Variants in IP6K1 observed in about 807,000 individuals in gnomAD.
The protein encoded by IP6K1 is inositol hexakisphosphate kinase 1, also known as ATP:1D-myo-inositol-hexakisphosphate phosphotransferase.
IP6K1 carries 13 observed loss-of-function variants against 38.3 expected under a neutral mutation model. The ratio of observed to expected loss-of-function variants is 0.34; its 90% CI spans 0.22 to 0.54. IP6K1 has a LOEUF of 0.54. IP6K1 is among the 20% of genes least tolerant of loss of function. The probability of loss-of-function intolerance (pLI) is 0.92; values close to 1 mark genes in which losing one functional copy is unlikely to be tolerated. For missense variants in IP6K1, 397 were observed against 599.8 expected, an observed-to-expected ratio of 0.66 and a Z score of 3.53; for synonymous variants, 212 against 229.9, an observed-to-expected ratio of 0.92 and a Z score of 0.70.
At position 49,786,423 on chromosome 3, in the gene IP6K1, G is replaced by T. The variant is rs1471078211; in HGVS notation, c.-198C>A. 6.6e-6 allele frequency: 1 copy of T among 152,308 alleles called. No individual in the cohort carries two copies. The highest frequency in any genetic ancestry group is 1.5e-5 in the Non-Finnish European group (1 of 68,134). The allele number at this position is 152,308 out of a possible 1,614,324, so 9.4% of individuals were successfully genotyped here. A position where few individuals can be genotyped will look rare whatever the true frequency, so the allele number is the denominator to read the frequency against. ...TGGGCCCCCCGGGCCTCCAGGTTTC[G>T]GCCCGCCCCCTGGCAGGCAGCACAG... On this transcript the variant is annotated 5_prime_UTR_variant, in exon 1 of 6. Transcript: ENST00000321599.
At chr3:49,749,561 G>T (rs769221025) in intron 1 of IP6K1, among the ~76,000 whole-genome samples, 7 of 152,110 alleles carry the variant, frequency 4.6e-5, no homozygotes, top group African/African-American at 9.7e-5. Flanking sequence ...TGTTGTTGTT[G>T]TTTTTCCTGG....
chr3:49,742,663 C>T (rs972958991), intron 2 of IP6K1, among the ~76,000 whole-genome samples: 1 of 152,128 alleles, frequency 6.6e-6, no homozygotes, highest in African/African-American at 2.4e-5. Context: ...CATTGGGAGG[C>T]CAAGGCAGGC....
chr3:49,782,986 G>A (rs1292163163), intron 1 of IP6K1, among the ~76,000 whole-genome samples: 2 of 151,584 alleles, frequency 1.3e-5, no homozygotes, highest in Admixed American at 6.6e-5. Context: ...CAGGCGTGCT[G>A]GCGCACTCCT....
Position 49,724,672 on chromosome 3 carries a change from T to C in IP6K1, c.*2450A>G, listed in dbSNP as rs991680139. The C allele has an allele frequency of 1.3e-5, 2 of 152,676 alleles. No homozygotes were observed. Among genetic ancestry groups the C allele is most frequent in the African/African-American group, 2.4e-5 (1 of 41,464 alleles). 9.5% of individuals were successfully genotyped at this position (152,676 alleles called of 1,614,324 possible). A position where few individuals can be genotyped will look rare whatever the true frequency, so the allele number is the denominator to read the frequency against. ...GCAGTCTGCATCTAGGGAACGTGCA[T>C]GTGGTCAGGAGTGAGCGCGTGAGCA... On this transcript the variant is annotated 3_prime_UTR_variant, in exon 6 of 6. Transcript: ENST00000321599.
chr3:49,738,540 T>G, intron 2 of IP6K1, 118 bp from the exon 3 acceptor site: 1 of 720,692 alleles, frequency 1.4e-6, no homozygotes, highest in Non-Finnish European at 2.5e-6. Flanking sequence ...CTGAACCAAC[T>G]ACAGATCAAT....
At chr3:49,751,030 A>C (rs2080772537) in intron 1 of IP6K1, among the ~76,000 whole-genome samples, 1 of 152,124 alleles carries the variant, frequency 6.6e-6, no homozygotes, top group Admixed American at 6.5e-5. Flanking sequence ...CTCATAAGTC[A>C]CTTAACTTCT....
At chr3:49,773,845 A>AT (rs2080981820) in intron 1 of IP6K1, among the ~76,000 whole-genome samples, 1 of 152,088 alleles carries the variant, frequency 6.6e-6, no homozygotes, top group Non-Finnish European at 1.5e-5. Context: ...CAAGTTGAGC[A>AT]TAAGTCTTTA....
chr3:49,726,216 AC>A lies in IP6K1; in HGVS notation c.*905del. ...CTTGAACTTGGCCTGGGGAAATGAGACCCTGAGCGGACCACAGCCCTTGAGC... is the reference window on the plus strand; with the variant it reads ...CTTGAACTTGGCCTGGGGAAATGAGACCTGAGCGGACCACAGCCCTTGAGC... On this transcript the variant is annotated 3_prime_UTR_variant, in exon 6 of 6. Transcript: ENST00000321599. 1 of 152,802 alleles carries A rather than the reference AC, an allele frequency of 6.5e-6. No individual in the cohort carries two copies. Among genetic ancestry groups the A allele is most frequent in the Non-Finnish European group, 1.5e-5 (1 of 68,094 alleles). 9.5% of individuals were successfully genotyped at this position (152,802 alleles called of 1,614,324 possible). A position where few individuals can be genotyped will look rare whatever the true frequency, so the allele number is the denominator to read the frequency against.
At position 49,727,500 on chromosome 3, in the gene IP6K1, C is replaced by A; in HGVS notation, c.948G>T (p.Arg316=). The change falls in exon 6 of 6, where the codon CGG becomes CGT. Residue 316 remains arginine (R), a synonymous_variant. Transcript: ENST00000321599. The surrounding 1 kb of genome is among the most constrained non-coding windows in gnomAD (Gnocchi z 5.9). ...DLFEPILSKL[R]GLKAVLERQA... ...GCCGCTCCAGCACAGCTTTCAGGCC[C>A]CGCAGTTTGCTCAGGATAGGCTCAA... The A allele has an allele frequency of 6.2e-7, 1 of 1,614,194 alleles. No homozygotes were observed. The highest frequency in any genetic ancestry group is 2.2e-5 in the East Asian group (1 of 44,888).
At chr3:49,775,564 A>G (rs1431534511) in intron 1 of IP6K1, 7 of 1,048,832 alleles carry the variant, frequency 6.7e-6, no homozygotes, top group Non-Finnish European at 9.7e-6. Flanking sequence ...GGGAGCTCTA[A>G]GACAGACCTC....
chr3:49,778,197 G>A (rs2081035708), intron 1 of IP6K1, among the ~76,000 whole-genome samples: 1 of 151,856 alleles, frequency 6.6e-6, no homozygotes, highest in Non-Finnish European at 1.5e-5. Context: ...GCTGGCACAT[G>A]CCTGTAAATC....
intron 1 of IP6K1, among the ~76,000 whole-genome samples, chr3:49,770,717 T>A (rs1323213732): frequency 6.6e-6 from 1 of 152,064 alleles, no homozygotes; most frequent in Non-Finnish European, 1.5e-5. Flanking sequence ...ACTTAAGAGG[T>A]AGGCAAGGTG....
intron 3 of IP6K1, 26 bp downstream of exon 3, chr3:49,738,186 A>C (rs1481406848): frequency 6.3e-7 from 1 of 1,586,728 alleles, no homozygotes. Context: ...TGCTTGTACC[A>C]GCAGGACGAA....
At chr3:49,745,460 C>G (rs1343231954) in intron 2 of IP6K1, among the ~76,000 whole-genome samples, 1 of 152,194 alleles carries the variant, frequency 6.6e-6, no homozygotes, top group African/African-American at 2.4e-5. Flanking sequence ...TGGTGGCTCA[C>G]ACCTATAATC....
chr3:49,769,119 G>A (rs922246633), intron 1 of IP6K1, among the ~76,000 whole-genome samples: 1 of 152,012 alleles, frequency 6.6e-6, no homozygotes, highest in Admixed American at 6.6e-5. Context: ...AGTAAAGAAG[G>A]CATAAATCAA....
chr3:49,782,860 A>G (rs376570132), intron 1 of IP6K1, among the ~76,000 whole-genome samples: 5 of 150,538 alleles, frequency 3.3e-5, no homozygotes, highest in African/African-American at 1.2e-4. Flanking sequence ...CTGTAATCCC[A>G]GCACTTTGGG....
chr3:49,738,939 C>T (rs910932848), intron 2 of IP6K1, among the ~76,000 whole-genome samples: 1 of 152,200 alleles, frequency 6.6e-6, no homozygotes, highest in African/African-American at 2.4e-5. Context: ...CTACACAGAA[C>T]TTCCACCCCT....
chr3:49,784,518 AC>A (rs2081094053), intron 1 of IP6K1, among the ~76,000 whole-genome samples: 1 of 151,520 alleles, frequency 6.6e-6, no homozygotes, highest in Non-Finnish European at 1.5e-5. Context: ...GGTGGCACGC[AC>A]CTGTAATCCC....
chr3:49,765,521 G>A (rs563718122), intron 1 of IP6K1, among the ~76,000 whole-genome samples: 3 of 148,394 alleles, frequency 2.0e-5, no homozygotes, highest in South Asian at 2.1e-4. Flanking sequence ...ATGGTGGCAC[G>A]TGCCTGTAAT....
Sources: allele counts gnomAD v4.1 joint callset (sites outside exome capture counted in the v4.1 genomes callset), GRCh38; gene constraint gnomAD v4.1.1; non-coding constraint Gnocchi (gnomAD v3.1); transcripts MANE v1.5; gene names NCBI Gene and HGNC (gene_info 2026-07-23, HGNC 2026-07-21).